PRSS12: variants seen among roughly 807,000 people sequenced by gnomAD.
PRSS12 encodes serine protease 12, also known as neurotrypsin.
In PRSS12, 85 loss-of-function variants were observed where a neutral mutation model predicts 104.4. The ratio of observed to expected loss-of-function variants is 0.81; its 90% CI spans 0.68 to 0.98. PRSS12 has a LOEUF of 0.98. Ranked by LOEUF, PRSS12 falls within the 50% of genes least tolerant of loss-of-function variation. The pLI is 0.00. For synonymous variants in PRSS12, 454 were observed against 425.2 expected (o/e 1.07, Z -0.83); for missense variants, 1,141 against 1,139.2 (o/e 1.00, Z -0.02).
chr4:118,305,116 T>TAC (rs1488902810), intron 8 of PRSS12, among the ~76,000 whole-genome samples: 5 of 148,564 alleles, frequency 3.4e-5, no homozygotes, highest in South Asian at 2.1e-4. Context: ...TATATATATA[T>TAC]ATATACACAC....
Position 118,335,358 on chromosome 4 carries a change from AT to A in PRSS12, c.820+114del, listed in dbSNP as rs1724033379. ...TGGTAAAATATTTTGACTCAGACTT[AT>A]TTCTGTAATTAAAGTCTTTAAGGAA... is the stretch of plus-strand genomic sequence containing the variant. On this transcript the variant is annotated intron_variant, in intron 3 of 12. Transcript: ENST00000296498. The A allele has an allele frequency of 1.2e-5, 15 of 1,227,218 alleles. No homozygotes were observed. In the South Asian group the frequency reaches 2.1e-4, roughly 17 times the overall value. 76.0% of individuals were successfully genotyped at this position (1,227,218 alleles called of 1,614,324 possible). A position where few individuals can be genotyped will look rare whatever the true frequency, so the allele number is the denominator to read the frequency against.
At chr4:118,344,873 G>A (rs1199627960) in intron 1 of PRSS12, among the ~76,000 whole-genome samples, 1 of 152,136 alleles carries the variant, frequency 6.6e-6, no homozygotes, top group Non-Finnish European at 1.5e-5. Context: ...CTCAACAGAA[G>A]CTTTCACAAA....
chr4:118,337,859 T>C (rs1404497706), intron 2 of PRSS12, among the ~76,000 whole-genome samples: 1 of 152,116 alleles, frequency 6.6e-6, no homozygotes, highest in Non-Finnish European at 1.5e-5. Context: ...TTCTTAGAAT[T>C]TGTAAAGGCA....
At chr4:118,295,417 A>G (rs1004551901) in intron 10 of PRSS12, among the ~76,000 whole-genome samples, 1 of 152,244 alleles carries the variant, frequency 6.6e-6, no homozygotes, top group African/African-American at 2.4e-5. Context: ...GTTTTCCATG[A>G]GTAAATTCTA....
At chr4:118,331,693 A>C in intron 4 of PRSS12, 23 bp downstream of exon 4, 4 of 1,614,046 alleles carry the variant, frequency 2.5e-6, no homozygotes, top group Non-Finnish European at 3.4e-6. Context: ...AGTTTAAGCA[A>C]AACAAGAGTA....
rs544481931 is a variant in PRSS12 at position 118,323,573 on chromosome 4, A to T, written c.972-5017T>A. ...AAGAAAACTAAAAAGTTACTAGACT[A>T]AAATATAGGAACATAGTTTTTATAA... On this transcript the variant is annotated intron_variant, in intron 4 of 12. Transcript: ENST00000296498. 2.0e-5 allele frequency among the ~76,000 whole-genome samples: 3 copies of T among 152,020 alleles called. No homozygotes were observed. The East Asian group carries it at 5.8e-4, about 29-fold the overall frequency.
intron 2 of PRSS12, 40 bp from the exon 3 acceptor site, chr4:118,335,691 G>A (rs758576070): frequency 2.5e-6 from 4 of 1,582,102 alleles, no homozygotes; most frequent in Non-Finnish European, 3.5e-6. Flanking sequence ...ATCAAATGTA[G>A]GCAAAACTTT....
At chr4:118,299,559 A>G (rs1743339669) in intron 8 of PRSS12, among the ~76,000 whole-genome samples, 1 of 151,784 alleles carries the variant, frequency 6.6e-6, no homozygotes, top group African/African-American at 2.4e-5. Context: ...ACGTGCTTGT[A>G]ATCCCAGCTA....
At chr4:118,343,887 A>G (rs1404649413) in intron 1 of PRSS12, among the ~76,000 whole-genome samples, 3 of 152,224 alleles carry the variant, frequency 2.0e-5, no homozygotes, top group African/African-American at 4.8e-5. Flanking sequence ...TTTCTGAATA[A>G]AACTAGTAAT....
At chr4:118,332,048 T>C (rs777539622) in intron 3 of PRSS12, among the ~76,000 whole-genome samples, 182 bp from the exon 4 acceptor site, 3 of 152,170 alleles carry the variant, frequency 2.0e-5, no homozygotes, top group Non-Finnish European at 4.4e-5. Flanking sequence ...AATTAAAATA[T>C]CCCAAATTGA....
rs1742864361 is a variant in PRSS12 at position 118,281,838 on chromosome 4, CAG to C, written c.*96_*97del. 6 of 777,882 alleles carry C rather than the reference CAG, an allele frequency of 7.7e-6. No homozygotes were observed. The highest frequency in any genetic ancestry group is 6.9e-5 in the South Asian group (5 of 72,920). The allele number at this position is 777,882 out of a possible 1,614,324, so 48.2% of individuals were successfully genotyped here. On this transcript the variant is annotated 3_prime_UTR_variant, in exon 13 of 13. Transcript: ENST00000296498. ...TTTTTACCACAACACAAAGCAAAAA[CAG>C]ATCTTGCCATTTGTTGTCATCTCTG... is the stretch of plus-strand genomic sequence containing the variant.
In PRSS12 at chr4:118,316,437, T is replaced by C. The variant is rs896543481; in HGVS notation, c.1151-114A>G. On this transcript the variant is annotated intron_variant, in intron 5 of 12. Coordinates refer to ENST00000296498, the MANE Select transcript of PRSS12 (RefSeq NM_003619.4). ...TATTCAGGCCTCACTCTAGGCCTTT[T>C]GCTAAACTTACATTACATCTGTGCT... The C allele has an allele frequency of 3.0e-6, 4 of 1,324,528 alleles. No individual in the cohort carries two copies. In the African/African-American group the frequency reaches 4.4e-5, roughly 14 times the overall value. 82.0% of individuals were successfully genotyped at this position (1,324,528 alleles called of 1,614,324 possible). A position where few individuals can be genotyped will look rare whatever the true frequency, so the allele number is the denominator to read the frequency against.
chr4:118,339,203 G>A (rs1040529460), intron 1 of PRSS12, among the ~76,000 whole-genome samples: 2 of 152,104 alleles, frequency 1.3e-5, no homozygotes, highest in Non-Finnish European at 2.9e-5. Context: ...TAGCAAGTGG[G>A]ACAACTGAGC....
At chr4:118,329,766 T>TA (rs1394376030) in intron 4 of PRSS12, among the ~76,000 whole-genome samples, 1 of 152,134 alleles carries the variant, frequency 6.6e-6, no homozygotes, top group Non-Finnish European at 1.5e-5. Context: ...AATTAAGAAA[T>TA]ACGTTATAGA....
chr4:118,282,894 G>A lies in PRSS12; in HGVS notation c.2257C>T (p.Leu753Phe). 6.2e-7 allele frequency: 1 copy of A among 1,614,178 alleles called. No individual in the cohort carries two copies. Among genetic ancestry groups the A allele is most frequent in the Non-Finnish European group, 8.5e-7 (1 of 1,180,038 alleles). The change falls in exon 12 of 13, where the codon CTC becomes TTC. Residue 753 changes from leucine (L) to phenylalanine (F), a missense_variant. Leu to Phe is a conservative substitution (Grantham distance 22). Transcript: ENST00000296498. ...SSHVLPACLP[L>F]WRERPQKTAS... is the part of the protein sequence containing the mutation. ...GTTTTCTGTGGCCTCTCTCTCCAGA[G>A]TGGTAAACAGGCTGGCAAAACATGG... is the stretch of plus-strand genomic sequence containing the variant.
chr4:118,340,604 C>T (rs939529616), intron 1 of PRSS12, among the ~76,000 whole-genome samples: 1 of 152,200 alleles, frequency 6.6e-6, no homozygotes, highest in Non-Finnish European at 1.5e-5. Context: ...CAAATATGCT[C>T]TAAAAGACTA....
intron 1 of PRSS12, among the ~76,000 whole-genome samples, chr4:118,344,918 T>C (rs1025109825): frequency 6.6e-6 from 1 of 152,150 alleles, no homozygotes; most frequent in Non-Finnish European, 1.5e-5. Flanking sequence ...CATAAACAAA[T>C]GGTATGGGTA....
chr4:118,329,133 C>T (rs983670708), intron 4 of PRSS12, among the ~76,000 whole-genome samples: 1 of 152,064 alleles, frequency 6.6e-6, no homozygotes, highest in African/African-American at 2.4e-5. Flanking sequence ...TCTGGCTATA[C>T]TGCCCAGGCT....
intron 9 of PRSS12, among the ~76,000 whole-genome samples, chr4:118,297,742 A>G (rs940003660): frequency 6.6e-6 from 1 of 152,164 alleles, no homozygotes; most frequent in Non-Finnish European, 1.5e-5. Context: ...TCAGAACTAT[A>G]AACTTTCAAT....
Sources: gnomAD v4.1 joint callset for allele counts (sites outside exome capture counted in the v4.1 genomes callset) on GRCh38, gnomAD v4.1.1 for gene constraint, MANE v1.5 for transcripts, NCBI Gene and HGNC (gene_info 2026-07-23, HGNC 2026-07-21) for gene names.